The following ARHGEF3 variants were observed in gnomAD, a reference collection of about 807,000 sequenced individuals.
ARHGEF3 encodes the protein 59.8 kDA protein.
Under a neutral mutation model 63.2 loss-of-function variants are expected in ARHGEF3, and 28 were observed. That is an observed-to-expected ratio of 0.44 (90% CI 0.33 to 0.61). The LOEUF is 0.61. Among genes scored for constraint, ARHGEF3 ranks in the 20% least tolerant of loss-of-function variants. The pLI is 0.03. For synonymous variants in ARHGEF3, 266 were observed against 254.2 expected (o/e 1.05, Z -0.44); for missense variants, 533 against 659.3 (o/e 0.81, Z 2.10).
intron 2 of ARHGEF3, among the ~76,000 whole-genome samples, chr3:56,963,321 T>C (rs946035817): frequency 1.3e-5 from 2 of 152,178 alleles, no homozygotes; most frequent in Non-Finnish European, 2.9e-5. Flanking sequence ...TAGTTACCAT[T>C]ATCATTGGTG....
At chr3:56,794,594 G>A (rs895811460) in intron 1 of ARHGEF3, among the ~76,000 whole-genome samples, 1 of 151,686 alleles carries the variant, frequency 6.6e-6, no homozygotes, top group East Asian at 1.9e-4. Flanking sequence ...GAACACAGAC[G>A]GAGTACAGTC....
chr3:56,750,738 G>A (rs915561003), intron 6 of ARHGEF3, among the ~76,000 whole-genome samples: 1 of 148,442 alleles, frequency 6.7e-6, no homozygotes, highest in Non-Finnish European at 1.5e-5. Flanking sequence ...TTATGTTAGC[G>A]ATTGGCCTGA....
Position 56,773,772 on chromosome 3 carries a change from C to A in ARHGEF3, c.141G>T (p.Ser47=), listed in dbSNP as rs116531377. 1 of 1,600,316 alleles carries A rather than the reference C, an allele frequency of 6.2e-7. No homozygotes were observed. The highest frequency in any genetic ancestry group is 8.5e-7 in the Non-Finnish European group (1 of 1,175,104). Residue 47 remains serine, a synonymous_variant, in exon 2 of 10, where the codon TCG becomes TCT. Transcript: ENST00000296315. ...KRVKPLSRVT[S]LANLIPPVKA... ...TCACGGGCGGGATGAGGTTTGCTAG[C>A]GACGTGACTCGGGAAAGGGGTTTGA...
intron 3 of ARHGEF3, among the ~76,000 whole-genome samples, chr3:56,921,536 C>A (rs1469098063): frequency 6.6e-6 from 1 of 152,188 alleles, no homozygotes; most frequent in Non-Finnish European, 1.5e-5. Context: ...CACAGTCATG[C>A]ACTTTTATTG....
At chr3:56,923,979 T>C (rs948537635) in intron 3 of ARHGEF3, among the ~76,000 whole-genome samples, 1 of 152,218 alleles carries the variant, frequency 6.6e-6, no homozygotes, top group Non-Finnish European at 1.5e-5. Flanking sequence ...GCTGTCCCTT[T>C]AAGTCAGACT....
chr3:57,042,700 ATTTT>A (rs869145503), intron 1 of ARHGEF3, among the ~76,000 whole-genome samples: 2 of 66,122 alleles, frequency 3.0e-5, no homozygotes, highest in African/African-American at 1.0e-4. Flanking sequence ...ATATATATAT[ATTTT>A]TTTTTTTTTT....
intron 3 of ARHGEF3, chr3:56,958,770 A>G: frequency 6.6e-7 from 1 of 1,504,904 alleles, no homozygotes; most frequent in South Asian, 1.2e-5. Flanking sequence ...AGGCCAGAGC[A>G]TGTATCCATA....
chr3:56,729,857 T>TCTCAGAAACC (rs779248543), intron 9 of ARHGEF3, among the ~76,000 whole-genome samples: 28,971 of 151,930 alleles, frequency 0.19, 2,973 homozygotes, highest in South Asian at 0.39. Context: ...AACCCGCAGG[T>TCTCAGAAACC]GGAGATCATC....
chr3:56,932,256 C>T (rs1177235935), intron 3 of ARHGEF3, among the ~76,000 whole-genome samples: 1 of 152,122 alleles, frequency 6.6e-6, no homozygotes, highest in Non-Finnish European at 1.5e-5. Flanking sequence ...AAAATTAATA[C>T]ATGCACCCCA....
At chr3:57,023,889 C>CTA (rs1207488308) in intron 2 of ARHGEF3, among the ~76,000 whole-genome samples, 2 of 152,240 alleles carry the variant, frequency 1.3e-5, no homozygotes, top group African/African-American at 4.8e-5. Context: ...TGCTCCTGTA[C>CTA]TATAAGATTC....
chr3:57,022,623 C>G (rs1703304833), intron 2 of ARHGEF3, among the ~76,000 whole-genome samples: 1 of 152,146 alleles, frequency 6.6e-6, no homozygotes, highest in African/African-American at 2.4e-5. Context: ...TGTACCCAAA[C>G]ATAGACACTA....
intron 3 of ARHGEF3, among the ~76,000 whole-genome samples, chr3:56,894,422 C>G (rs1214846327): frequency 6.6e-6 from 1 of 152,118 alleles, no homozygotes; most frequent in Non-Finnish European, 1.5e-5. Context: ...TGTCAAAATT[C>G]AGAAATATTG....
At chr3:56,867,662 G>T (rs1471514887) in intron 4 of ARHGEF3, among the ~76,000 whole-genome samples, 1 of 152,030 alleles carries the variant, frequency 6.6e-6, no homozygotes, top group Non-Finnish European at 1.5e-5. Context: ...ATAGAGACAG[G>T]GTTTCGTCGT....
chr3:56,868,422 G>A (rs1057140710), intron 4 of ARHGEF3, among the ~76,000 whole-genome samples: 2 of 150,594 alleles, frequency 1.3e-5, no homozygotes, highest in African/African-American at 2.4e-5. Flanking sequence ...GCAGTGTGGT[G>A]CGATCTTGGC....
chr3:57,017,028 T>TCACA (rs1553806952), intron 2 of ARHGEF3, among the ~76,000 whole-genome samples: 4 of 127,412 alleles, frequency 3.1e-5, no homozygotes, highest in African/African-American at 1.2e-4. Context: ...TCTCTCTCTC[T>TCACA]CTCTCACACA....
intron 4 of ARHGEF3, among the ~76,000 whole-genome samples, chr3:56,810,587 G>T (rs1447312131): frequency 1.3e-5 from 2 of 152,140 alleles, no homozygotes; most frequent in Non-Finnish European, 2.9e-5. Context: ...ATGATCAATT[G>T]TAAGACCCTT....
rs569320700 is a variant in ARHGEF3, at chr3:56,920,463, A to G, written c.130-38109T>C. The stretch of plus-strand genomic sequence containing the variant: ...AGAAGTTCCAAGCAATTTCCTTACC[A>G]AAGATATTATAAGGAACATACTCGT... On this transcript the variant is annotated intron_variant, in intron 3 of 12. Coordinates refer to the ARHGEF3 transcript ENST00000338458. Among the ~76,000 whole-genome samples the G allele has an allele frequency of 5.5e-4, 84 of 152,358 alleles. No homozygotes were observed. The South Asian group carries it at 0.016, about 28-fold the overall frequency.
chr3:56,844,042 A>C (rs985959199), intron 4 of ARHGEF3, among the ~76,000 whole-genome samples: 1 of 152,210 alleles, frequency 6.6e-6, no homozygotes, highest in Non-Finnish European at 1.5e-5. Flanking sequence ...TTTCCAGGTC[A>C]CTGGCAAGAT....
chr3:56,732,116 A>C (rs2033208291), intron 9 of ARHGEF3, 122 bp downstream of exon 9: 5 of 1,165,226 alleles, frequency 4.3e-6, no homozygotes, highest in Non-Finnish European at 6.1e-6. Context: ...AAGTGATGAA[A>C]TAGCATACAA....
Sources: allele counts gnomAD v4.1 joint callset (sites outside exome capture counted in the v4.1 genomes callset), GRCh38; gene constraint gnomAD v4.1.1; transcripts MANE v1.5; gene names NCBI Gene and HGNC (gene_info 2026-07-23, HGNC 2026-07-21).